Variants in PIK3CD observed in about 807,000 individuals in gnomAD.
PIK3CD encodes phosphatidylinositol 4,5-bisphosphate 3-kinase catalytic subunit delta isoform.
A neutral mutation model predicts 122.9 loss-of-function variants in PIK3CD; 20 were observed. That is an observed-to-expected ratio of 0.16 (90% CI 0.11 to 0.24). The LOEUF (loss-of-function observed/expected upper bound fraction) is 0.24, where lower values mean the gene tolerates loss of function less well. PIK3CD is among the 10% of genes least tolerant of loss of function. The probability of loss-of-function intolerance (pLI) is 1.00; values close to 1 mark genes in which losing one functional copy is unlikely to be tolerated. For synonymous variants in PIK3CD, 596 were observed against 593.4 expected (o/e 1.00, Z -0.06); for missense variants, 787 against 1,406.3 (o/e 0.56, Z 7.04).
At chr1:9,636,794 C>T in the PIK3CD span, among the ~76,000 whole-genome samples, 4 of 152,218 alleles carry the variant, frequency 2.6e-5, no homozygotes, top group African/African-American at 9.7e-5. Context: ...GAGGGCGAAG[C>T]GCACAGCTTA....
At chr1:9,656,671 G>A (rs796461406) in intron 1 of PIK3CD, among the ~76,000 whole-genome samples, 9 of 152,264 alleles carry the variant, frequency 5.9e-5, no homozygotes, top group African/African-American at 2.2e-4. Context: ...GGCCGGGTGT[G>A]ATAGCTCACG....
intron 2 of PIK3CD, among the ~76,000 whole-genome samples, chr1:9,692,147 G>C (rs890674723): frequency 2.0e-5 from 3 of 152,150 alleles, no homozygotes; most frequent in African/African-American, 7.2e-5. Context: ...CTGGCTGGAC[G>C]TTGGCTACCA....
chr1:9,669,196 T>C (rs1645248937), intron 1 of PIK3CD, among the ~76,000 whole-genome samples: 1 of 152,178 alleles, frequency 6.6e-6, no homozygotes, highest in African/African-American at 2.4e-5. Flanking sequence ...TGAGACAAGG[T>C]CTTGCTCTGT....
intron 5 of PIK3CD, 92 bp from the exon 6 acceptor site, chr1:9,716,348 C>T: frequency 7.9e-7 from 1 of 1,266,504 alleles, no homozygotes; most frequent in Non-Finnish European, 1.2e-6. Flanking sequence ...TCCCCAGACC[C>T]TACCCTTGGG....
chr1:9,726,487 C>T (rs566075586), intron 23 of PIK3CD, among the ~76,000 whole-genome samples: 6 of 152,228 alleles, frequency 3.9e-5, no homozygotes, highest in South Asian at 2.1e-4. Flanking sequence ...CCAGCCTGGG[C>T]GACAGAGTGA....
chr1:9,711,763 G>A (rs1026504317), intron 3 of PIK3CD, among the ~76,000 whole-genome samples: 2 of 152,032 alleles, frequency 1.3e-5, no homozygotes, highest in African/African-American at 4.8e-5. Flanking sequence ...TGTATTTTTT[G>A]TGGAGATGGG....
rs142972496 is a variant in PIK3CD, at chr1:9,710,917, C to T, written c.141+321C>T. 6.6e-6 allele frequency among the ~76,000 whole-genome samples: 1 copy of T among 152,098 alleles called. No homozygotes were observed. The highest frequency in any genetic ancestry group is 1.9e-4 in the East Asian group (1 of 5,194). On this transcript the variant is annotated intron_variant, in intron 3 of 23. Transcript: ENST00000377346. The surrounding 1 kb of genome is among the most constrained non-coding windows in gnomAD (Gnocchi z 4.7). Reference sequence around the variant, plus strand: ...TCTTCCGCCTCAGCCTCCTGAGTAGCTGGGATTACAGGCATGCACCATCAC... The same window carrying T: ...TCTTCCGCCTCAGCCTCCTGAGTAGTTGGGATTACAGGCATGCACCATCAC...
intron 1 of PIK3CD, among the ~76,000 whole-genome samples, chr1:9,665,855 G>C (rs1250252867): frequency 1.3e-5 from 2 of 151,992 alleles, no homozygotes; most frequent in Non-Finnish European, 2.9e-5. Context: ...CTGGGTTCAA[G>C]CTATTCTTCT....
intron 2 of PIK3CD, among the ~76,000 whole-genome samples, chr1:9,706,326 C>CA (rs373249969): frequency 1.8e-3 from 214 of 116,816 alleles, no homozygotes; most frequent in East Asian, 3.9e-3. Flanking sequence ...CCCTGTACCT[C>CA]AAAAAAAAAA....
chr1:9,694,410 TGTAATCCC>T (rs1239444406), intron 2 of PIK3CD, among the ~76,000 whole-genome samples: 19 of 152,334 alleles, frequency 1.2e-4, no homozygotes, highest in African/African-American at 4.3e-4. Flanking sequence ...GGCGCGTGCC[TGTAATCCC>T]AGCTACTTAG....
At chr1:9,702,468 G>A (rs1435152694) in intron 2 of PIK3CD, among the ~76,000 whole-genome samples, 1 of 139,382 alleles carries the variant, frequency 7.2e-6, no homozygotes, top group Admixed American at 7.5e-5. Flanking sequence ...TTGACTCTTA[G>A]AGGCAGGTCC....
the PIK3CD span, among the ~76,000 whole-genome samples, chr1:9,642,218 T>C: frequency 6.6e-6 from 1 of 152,074 alleles, no homozygotes; most frequent in East Asian, 2.0e-4. Flanking sequence ...GTTCAAGCAA[T>C]GCTGGTGCCT....
rs776349186 is a variant in PIK3CD at position 9,654,351 on chromosome 1, G to A, written c.-138+2549G>A. 8 of 1,367,584 alleles carry A rather than the reference G, an allele frequency of 5.8e-6. No homozygotes were observed. The African/African-American group carries it at 5.9e-5, about 10-fold the overall frequency. The allele number at this position is 1,367,584 out of a possible 1,614,324, so 84.7% of individuals were successfully genotyped here. A position where few individuals can be genotyped will look rare whatever the true frequency, so the allele number is the denominator to read the frequency against. Reference sequence around the variant, plus strand: ...AAGCTGTGGGCTCCGTTTCTCCTCCGATACCATGTTTAGCAAGTGTTTCCT... The same window carrying A: ...AAGCTGTGGGCTCCGTTTCTCCTCCAATACCATGTTTAGCAAGTGTTTCCT... On this transcript the variant is annotated intron_variant, in intron 1 of 23. Transcript: ENST00000377346.
At chr1:9,634,161 T>G in the PIK3CD span, among the ~76,000 whole-genome samples, 1,723 of 148,544 alleles carry the variant, frequency 0.012, 70 homozygotes, top group South Asian at 0.092. Flanking sequence ...TTTTTTTTTT[T>G]TTTTTTTTTT....
At chr1:9,726,360 T>C (rs1423189813) in intron 23 of PIK3CD, among the ~76,000 whole-genome samples, 2 of 151,602 alleles carry the variant, frequency 1.3e-5, no homozygotes, top group Non-Finnish European at 2.9e-5. Context: ...ATACAAAAAA[T>C]TAGCCAGGTG....
chr1:9,726,168 G>A (rs911834201), intron 23 of PIK3CD, among the ~76,000 whole-genome samples: 16 of 150,526 alleles, frequency 1.1e-4, no homozygotes, highest in African/African-American at 3.4e-4. Context: ...AGCCTAGATC[G>A]CGCCACTGCA....
At chr1:9,696,642 C>G (rs902780078) in intron 2 of PIK3CD, among the ~76,000 whole-genome samples, 1 of 148,582 alleles carries the variant, frequency 6.7e-6, no homozygotes, top group Non-Finnish European at 1.5e-5. Flanking sequence ...CACAGCTACT[C>G]GGGAGGCTGA....
At chr1:9,694,140 A>G (rs1646311403) in intron 2 of PIK3CD, among the ~76,000 whole-genome samples, 1 of 152,212 alleles carries the variant, frequency 6.6e-6, no homozygotes, top group Non-Finnish European at 1.5e-5. Context: ...GCTTCCATAC[A>G]GCCTCTGGGC....
chr1:9,723,367 A>G lies in PIK3CD; in HGVS notation c.2594+75A>G. 1 of 1,497,044 alleles carries G rather than the reference A, an allele frequency of 6.7e-7. No homozygotes were observed. Among genetic ancestry groups the G allele is most frequent in the Non-Finnish European group, 9.3e-7 (1 of 1,074,398 alleles). The allele number at this position is 1,497,044 out of a possible 1,614,324, so 92.7% of individuals were successfully genotyped here. A position where few individuals can be genotyped will look rare whatever the true frequency, so the allele number is the denominator to read the frequency against. Reference sequence around the variant, plus strand: ...GAGTGGGAGGGCCTCGCCTGTCAGAACAAAGGAGCGGGGAGGGGCCTCAGA... The same window carrying G: ...GAGTGGGAGGGCCTCGCCTGTCAGAGCAAAGGAGCGGGGAGGGGCCTCAGA... On this transcript the variant is annotated intron_variant, in intron 20 of 23. Coordinates refer to ENST00000377346, the MANE Select transcript of PIK3CD (RefSeq NM_005026.5). The surrounding 1 kb of genome is among the most constrained non-coding windows in gnomAD (Gnocchi z 4.9).
Sources: allele counts gnomAD v4.1 joint callset (sites outside exome capture counted in the v4.1 genomes callset), GRCh38; gene constraint gnomAD v4.1.1; non-coding constraint Gnocchi (gnomAD v3.1); transcripts MANE v1.5; gene names NCBI Gene and HGNC (gene_info 2026-07-23, HGNC 2026-07-21).